Variants in EVL observed in about 807,000 individuals in gnomAD.
The protein encoded by EVL is ena/VASP-like protein.
Under a neutral mutation model 59.6 loss-of-function variants are expected in EVL, and 21 were observed. The observed-to-expected ratio is 0.35, with a 90% CI of 0.25 to 0.51. EVL has a LOEUF of 0.51. Ranked by LOEUF, EVL falls within the 20% of genes least tolerant of loss-of-function variation. The pLI, the probability that EVL is intolerant of heterozygous loss-of-function variation, is 0.97. For synonymous variants in EVL, 198 were observed against 203.5 expected, an observed-to-expected ratio of 0.97 and a Z score of 0.23; for missense variants, 462 against 546.6, an observed-to-expected ratio of 0.85 and a Z score of 1.54.
intron 2 of EVL, among the ~76,000 whole-genome samples, chr14:100,096,714 C>A (rs1885839641): frequency 6.6e-6 from 1 of 152,180 alleles, no homozygotes; most frequent in Admixed American, 6.5e-5. Flanking sequence ...TCTTTTAAAT[C>A]TCTGAAAGAG....
intron 1 of EVL, among the ~76,000 whole-genome samples, chr14:99,986,290 C>CA (rs3072366): frequency 0.12 from 9,724 of 78,228 alleles, 744 homozygotes; most frequent in African/African-American, 0.22. Context: ...GACTCTGTCT[C>CA]AAAAAAAAAA....
chr14:100,016,660 G>A (rs1026244595), intron 1 of EVL, among the ~76,000 whole-genome samples: 3 of 152,188 alleles, frequency 2.0e-5, no homozygotes, highest in Non-Finnish European at 2.9e-5. Flanking sequence ...CCCTATTCCA[G>A]ACAGGAGTGG....
chr14:100,043,805 A>G (rs1338324503), intron 1 of EVL, among the ~76,000 whole-genome samples: 1 of 151,592 alleles, frequency 6.6e-6, no homozygotes, highest in African/African-American at 2.4e-5. Flanking sequence ...GTAAAGATAG[A>G]GTCTTGCTGT....
At chr14:100,020,489 A>C (rs2061104354) in intron 1 of EVL, among the ~76,000 whole-genome samples, 1 of 151,966 alleles carries the variant, frequency 6.6e-6, no homozygotes. Flanking sequence ...ACGCACACAC[A>C]CACACTTCCG....
intron 5 of EVL, 84 bp downstream of exon 5, chr14:100,126,855 C>A (rs990168425): frequency 5.9e-6 from 8 of 1,366,830 alleles, no homozygotes; most frequent in African/African-American, 1.4e-5. Context: ...CAGGGACACA[C>A]GGGGCGCTCT....
chr14:100,143,656 GCACTGGTCAT>G, intron 13 of EVL, 35 bp from the exon 14 acceptor site: 1 of 1,564,884 alleles, frequency 6.4e-7, no homozygotes, highest in African/African-American at 2.0e-5. Flanking sequence ...GAACCGGGCT[GCACTGGTCAT>G]GGCTGCACCT....
chr14:100,093,406 G>A (rs762489718), intron 2 of EVL, among the ~76,000 whole-genome samples: 5 of 152,092 alleles, frequency 3.3e-5, no homozygotes, highest in Middle Eastern at 3.4e-3. Context: ...AAGTAATAAC[G>A]CCAGGGTTTT....
At chr14:100,134,336 C>T (rs747552438) in intron 8 of EVL, among the ~76,000 whole-genome samples, 8 of 152,196 alleles carry the variant, frequency 5.3e-5, no homozygotes, top group African/African-American at 1.2e-4. Context: ...CTAAAACTCT[C>T]GCTCCTGGAG....
chr14:100,038,771 GGTGTGTGTGTGTGT>G (rs61309441), intron 1 of EVL, among the ~76,000 whole-genome samples: 4 of 140,916 alleles, frequency 2.8e-5, no homozygotes, highest in East Asian at 2.1e-4. Flanking sequence ...TGTGCCCTGG[GGTGTGTGTGTGTGT>G]GTGTGTGTGT....
intron 1 of EVL, among the ~76,000 whole-genome samples, chr14:99,997,487 C>G (rs752259758): frequency 9.2e-5 from 14 of 152,120 alleles, no homozygotes; most frequent in Admixed American, 4.6e-4. Context: ...TGTCCATTGA[C>G]CAAGATGAAT....
intron 1 of EVL, among the ~76,000 whole-genome samples, chr14:100,010,301 T>C (rs571256853): frequency 6.6e-6 from 1 of 152,344 alleles, no homozygotes; most frequent in South Asian, 2.1e-4. Context: ...GATGAGAATT[T>C]ATGGTTTGTA....
chr14:100,085,741 G>A (rs1216524168), intron 2 of EVL, among the ~76,000 whole-genome samples: 1 of 152,152 alleles, frequency 6.6e-6, no homozygotes, highest in African/African-American at 2.4e-5. Context: ...GTTGCCTGTT[G>A]ATTGGGTTTT....
intron 3 of EVL, chr14:100,102,564 CTCT>C (rs1228061146): frequency 2.9e-6 from 1 of 350,796 alleles, no homozygotes; most frequent in African/African-American, 2.1e-5. Flanking sequence ...GATTCCTTGG[CTCT>C]TCCTCGTCTG....
In EVL at chr14:99,973,121, C is replaced by T. The variant is rs533090265; in HGVS notation, c.5+1064C>T. Among the ~76,000 whole-genome samples, 10 of 152,172 alleles carry T rather than the reference C, an allele frequency of 6.6e-5. No homozygotes were observed. The East Asian group carries it at 1.9e-3, about 29-fold the overall frequency. On this transcript the variant is annotated intron_variant, in intron 1 of 13. Coordinates refer to the EVL transcript ENST00000402714. Reference sequence around the variant, plus strand: ...TGTTATGGATATTGTTGTGTATCTCCTGGTGCATTCATTTCGATTGGGTAG... The same window carrying T: ...TGTTATGGATATTGTTGTGTATCTCTTGGTGCATTCATTTCGATTGGGTAG...
chr14:100,092,402 A>C (rs1401499873), intron 2 of EVL, among the ~76,000 whole-genome samples: 1 of 152,206 alleles, frequency 6.6e-6, no homozygotes, highest in Non-Finnish European at 1.5e-5. Flanking sequence ...AGGAGAATGG[A>C]GAAGTTGTGG....
At chr14:100,093,724 C>A (rs1373826824) in intron 2 of EVL, among the ~76,000 whole-genome samples, 4 of 152,154 alleles carry the variant, frequency 2.6e-5, no homozygotes, top group African/African-American at 9.7e-5. Context: ...ATTTATGAGG[C>A]TCCAAAGGTT....
chr14:100,032,304 G>A (rs760466924), intron 1 of EVL, among the ~76,000 whole-genome samples: 1 of 152,194 alleles, frequency 6.6e-6, no homozygotes, highest in Non-Finnish European at 1.5e-5. Flanking sequence ...CTAAGGAAGA[G>A]AAGGTTGACA....
rs1888523714 is a variant in EVL, at chr14:100,132,846, C to G, written c.900+67C>G. ...ATGAGCGCATCGCCAGGGAGGCTCT[C>G]TGGTCTCAGGCGAGGCCTTTGGGAC... On this transcript the variant is annotated intron_variant, in intron 8 of 13. Transcript: ENST00000392920. 5.7e-6 allele frequency: 9 copies of G among 1,575,730 alleles called. No homozygotes were observed. The South Asian group carries it at 1.0e-4, about 17-fold the overall frequency.
chr14:100,138,169 G>A (rs951725790), intron 11 of EVL: 5 of 337,098 alleles, frequency 1.5e-5, no homozygotes, highest in African/African-American at 1.0e-4. Flanking sequence ...TGCTGCACAG[G>A]GTGGTGGTGG....
Sources: allele counts gnomAD v4.1 joint callset (sites outside exome capture counted in the v4.1 genomes callset), GRCh38; gene constraint gnomAD v4.1.1; transcripts MANE v1.5; gene names NCBI Gene and HGNC (gene_info 2026-07-23, HGNC 2026-07-21).